Variants in CHRM5 observed in about 807,000 individuals in gnomAD.
CHRM5 encodes the protein muscarinic acetylcholine receptor M5.
In CHRM5, 18 loss-of-function variants were observed where a neutral mutation model predicts 39.0. That is an observed-to-expected ratio of 0.46 (90% CI 0.32 to 0.68). CHRM5 has a LOEUF of 0.68. CHRM5 is among the 30% of genes least tolerant of loss of function. The probability of loss-of-function intolerance (pLI) is 0.04; values close to 1 mark genes in which losing one functional copy is unlikely to be tolerated. For synonymous variants in CHRM5, 241 were observed against 246.3 expected (o/e 0.98, Z 0.20); for missense variants, 515 against 651.1 (o/e 0.79, Z 2.28).
chr15:34,027,806 G>T (rs1009747716), intron 1 of CHRM5, among the ~76,000 whole-genome samples: 3 of 140,306 alleles, frequency 2.1e-5, no homozygotes, highest in African/African-American at 8.1e-5. Flanking sequence ...GCTACCTGAG[G>T]CAAGGATCAG....
intron 1 of CHRM5, among the ~76,000 whole-genome samples, chr15:34,028,890 A>G (rs554282255): frequency 5.9e-5 from 9 of 152,266 alleles, no homozygotes; most frequent in Non-Finnish European, 1.2e-4. Flanking sequence ...AAAAACACAC[A>G]GATGCCAGAA....
chr15:34,019,317 A>T (rs1431470958), intron 1 of CHRM5, among the ~76,000 whole-genome samples: 1 of 152,254 alleles, frequency 6.6e-6, no homozygotes. Context: ...ATAAAGATAT[A>T]TTTTGGTACA....
At chr15:33,996,382 TG>T (rs1896934606) in intron 1 of CHRM5, among the ~76,000 whole-genome samples, 1 of 152,224 alleles carries the variant, frequency 6.6e-6, no homozygotes, top group African/African-American at 2.4e-5. Context: ...CCTCCTCAAG[TG>T]GGTCCCTGAA....
intron 1 of CHRM5, among the ~76,000 whole-genome samples, chr15:34,011,475 A>G (rs1883780048): frequency 6.6e-6 from 1 of 152,226 alleles, no homozygotes; most frequent in Non-Finnish European, 1.5e-5. Context: ...GTACATAATA[A>G]TAAATAATTG....
chr15:34,026,879 C>G (rs984877344), intron 1 of CHRM5, among the ~76,000 whole-genome samples: 2 of 152,044 alleles, frequency 1.3e-5, no homozygotes, highest in African/African-American at 4.8e-5. Context: ...CTCTGTTGTT[C>G]CAAAGACTAG....
chr15:34,038,422 A>G (rs1899257555), intron 1 of CHRM5, among the ~76,000 whole-genome samples: 1 of 151,992 alleles, frequency 6.6e-6, no homozygotes. Flanking sequence ...TCCGTCCCAT[A>G]GTGGTACTCG....
chr15:34,061,009 C>A (rs1474454990), intron 2 of CHRM5, among the ~76,000 whole-genome samples: 3 of 150,676 alleles, frequency 2.0e-5, no homozygotes, highest in Non-Finnish European at 4.4e-5. Flanking sequence ...GAGCGAGACT[C>A]CGTCTCAAAA....
At chr15:34,001,192 T>C (rs1335532930) in intron 1 of CHRM5, among the ~76,000 whole-genome samples, 1 of 151,742 alleles carries the variant, frequency 6.6e-6, no homozygotes, top group Non-Finnish European at 1.5e-5. Flanking sequence ...AGCTAATTTT[T>C]TGTGTTTTTA....
chr15:34,047,898 G>T (rs990354114), intron 2 of CHRM5, among the ~76,000 whole-genome samples: 25 of 152,162 alleles, frequency 1.6e-4, no homozygotes, highest in African/African-American at 6.0e-4. Flanking sequence ...AGGATGAGGG[G>T]CTCTCCACAC....
At chr15:33,994,609 C>T (rs1896859787) in intron 1 of CHRM5, among the ~76,000 whole-genome samples, 1 of 152,128 alleles carries the variant, frequency 6.6e-6, no homozygotes, top group African/African-American at 2.4e-5. Context: ...GGTGAAAGTG[C>T]TAGATCTTCA....
chr15:34,035,175 C>G (rs1246670718), intron 1 of CHRM5, among the ~76,000 whole-genome samples: 1 of 152,158 alleles, frequency 6.6e-6, no homozygotes, highest in African/African-American at 2.4e-5. Flanking sequence ...AAAGTTTGAT[C>G]AGAATTAAAT....
intron 2 of CHRM5, among the ~76,000 whole-genome samples, chr15:34,048,172 G>A (rs1248338289): frequency 2.6e-5 from 4 of 152,330 alleles, no homozygotes; most frequent in East Asian, 1.9e-4. Flanking sequence ...CACCACACCC[G>A]GCCAGACTGC....
At chr15:34,038,652 G>T (rs1899281966) in intron 1 of CHRM5, 2 of 863,216 alleles carry the variant, frequency 2.3e-6, no homozygotes, top group Non-Finnish European at 2.9e-6. Context: ...CCCGTCCCGC[G>T]CAGGCGCCGG....
intron 1 of CHRM5, among the ~76,000 whole-genome samples, chr15:34,025,632 G>T (rs761010325): frequency 6.6e-6 from 1 of 152,178 alleles, no homozygotes; most frequent in Non-Finnish European, 1.5e-5. Context: ...GGTTATAAAA[G>T]ATTTCCTTGC....
chr15:33,997,694 T>C (rs1001042534), intron 1 of CHRM5, among the ~76,000 whole-genome samples: 1 of 152,174 alleles, frequency 6.6e-6, no homozygotes, highest in South Asian at 2.1e-4. Context: ...TCTTCTCTCA[T>C]ATCTTCACTT....
intron 1 of CHRM5, among the ~76,000 whole-genome samples, chr15:34,042,515 C>G (rs1899514793): frequency 6.6e-6 from 1 of 151,560 alleles, no homozygotes; most frequent in African/African-American, 2.4e-5. Context: ...ATTCTCCTGC[C>G]TCAGCTTCCT....
intron 1 of CHRM5, among the ~76,000 whole-genome samples, chr15:34,019,131 G>T (rs561464479): frequency 6.6e-6 from 1 of 152,288 alleles, no homozygotes; most frequent in South Asian, 2.1e-4. Context: ...TAGCTAGACA[G>T]AAAAGTTCTC....
chr15:34,012,029 G>C (rs1375655828), intron 1 of CHRM5, among the ~76,000 whole-genome samples: 1 of 152,094 alleles, frequency 6.6e-6, no homozygotes, highest in African/African-American at 2.4e-5. Context: ...CATTTTATCT[G>C]CTTTAAAAAA....
At chr15:33,998,307 T>C (rs902265785) in intron 1 of CHRM5, among the ~76,000 whole-genome samples, 1 of 152,116 alleles carries the variant, frequency 6.6e-6, no homozygotes, top group Non-Finnish European at 1.5e-5. Context: ...AGTAAACATG[T>C]AGTTATTTCT....
Sources: allele counts gnomAD v4.1 joint callset (sites outside exome capture counted in the v4.1 genomes callset), GRCh38; gene constraint gnomAD v4.1.1; transcripts MANE v1.5; gene names NCBI Gene and HGNC (gene_info 2026-07-23, HGNC 2026-07-21).